Variants in OPRM1 observed in about 807,000 individuals in gnomAD.
The protein encoded by OPRM1 is opioid receptor mu 1, also known as mu-type opioid receptor.
OPRM1 carries 27 observed loss-of-function variants against 31.8 expected under a neutral mutation model. The observed-to-expected ratio is 0.85, with a 90% CI of 0.63 to 1.17. OPRM1 has a LOEUF of 1.17. Ranked by LOEUF, OPRM1 falls within the 50% of genes most tolerant of loss-of-function variation. The pLI is 0.00. For synonymous variants in OPRM1, 196 were observed against 189.9 expected, an observed-to-expected ratio of 1.03 and a Z score of -0.26; for missense variants, 536 against 511.1, an observed-to-expected ratio of 1.05 and a Z score of -0.47.
At chr6:154,167,938 T>C (rs1173340147) in intron 3 of OPRM1, 1 of 1,595,718 alleles carries the variant, frequency 6.3e-7, no homozygotes, top group Non-Finnish European at 8.6e-7. Flanking sequence ...TGCTATTCAA[T>C]GTTCGGATTT....
downstream of OPRM1, among the ~76,000 whole-genome samples, chr6:154,135,015 C>T (rs1293324223): frequency 1.3e-5 from 2 of 152,152 alleles, no homozygotes; most frequent in Non-Finnish European, 2.9e-5. Context: ...TGGTGGCCAG[C>T]CAAGACGTGG....
intron 3 of OPRM1, chr6:154,157,331 G>C (rs1798757076): frequency 1.3e-5 from 2 of 152,320 alleles, no homozygotes; most frequent in South Asian, 2.1e-4. Flanking sequence ...ATAATTTACA[G>C]GGGGAAAAAC....
chr6:154,021,083 T>G (rs368322988), intron 1 of OPRM1, among the ~76,000 whole-genome samples: 107 of 152,342 alleles, frequency 7.0e-4, no homozygotes, highest in African/African-American at 2.5e-3. Flanking sequence ...CTAGGAGTTT[T>G]ATAGTTTAGC....
intron 1 of OPRM1, among the ~76,000 whole-genome samples, chr6:154,031,554 G>A (rs1779005685): frequency 6.6e-6 from 1 of 151,938 alleles, no homozygotes; most frequent in Admixed American, 6.6e-5. Flanking sequence ...GACCAAAATG[G>A]TGAAACCCCA....
chr6:154,144,297 A>C (rs956005379), intron 3 of OPRM1, among the ~76,000 whole-genome samples: 3 of 152,246 alleles, frequency 2.0e-5, no homozygotes, highest in Non-Finnish European at 4.4e-5. Flanking sequence ...TGAAGAGAAC[A>C]CTTCCCAATT....
Position 154,087,327 on chromosome 6 carries a change from C to T in OPRM1, c.291-2499C>T, listed in dbSNP as rs1201764699. 3.0e-6 allele frequency: 3 copies of T among 985,328 alleles called. No individual in the cohort carries two copies. The highest frequency in any genetic ancestry group is 2.4e-6 in the Non-Finnish European group (2 of 829,968). 61.0% of individuals were successfully genotyped at this position (985,328 alleles called of 1,614,324 possible). A position where few individuals can be genotyped will look rare whatever the true frequency, so the allele number is the denominator to read the frequency against. Reference sequence around the variant, plus strand: ...CACTTTCCTGGACACTGAATTCAGTCCTAAACAAAGGGCCTCCAACCAACA... The same window carrying T: ...CACTTTCCTGGACACTGAATTCAGTTCTAAACAAAGGGCCTCCAACCAACA... On this transcript the variant is annotated intron_variant, in intron 1 of 3. Transcript: ENST00000330432.
chr6:154,040,617 T>TTCTCCTGAAC (rs1779863774), intron 1 of OPRM1, among the ~76,000 whole-genome samples: 2 of 152,194 alleles, frequency 1.3e-5, no homozygotes, highest in Non-Finnish European at 2.9e-5. Context: ...GACATGGCTG[T>TTCTCCTGAAC]ATTTCATTGC....
In OPRM1 at chr6:154,129,572, TG is replaced by T. The variant is rs1231399379; in HGVS notation, c.*10853del. On this transcript the variant is annotated 3_prime_UTR_variant, in exon 4 of 4. Coordinates refer to ENST00000330432, the MANE Select transcript of OPRM1 (RefSeq NM_000914.5). Reference sequence around the variant, plus strand: ...TGCCCACTGTTACAGAAAATCATAATGGAAAAACTAAAATGTCAATAATAAT... The same window carrying T: ...TGCCCACTGTTACAGAAAATCATAATGAAAAACTAAAATGTCAATAATAAT... 6.6e-6 allele frequency among the ~76,000 whole-genome samples: 1 copy of T among 152,210 alleles called. No individual in the cohort carries two copies. The highest frequency in any genetic ancestry group is 1.5e-5 in the Non-Finnish European group (1 of 68,030).
intron 3 of OPRM1, chr6:154,199,935 A>G: frequency 1.2e-6 from 2 of 1,614,236 alleles, no homozygotes; most frequent in Non-Finnish European, 1.7e-6. Flanking sequence ...TCTTTAGATA[A>G]GGAGGAAGGA....
rs967049148 is a variant in OPRM1 at position 154,086,611 on chromosome 6, AT to A, written c.291-3207del. 5.1e-6 allele frequency: 5 copies of A among 983,468 alleles called. No individual in the cohort carries two copies. In the African/African-American group the frequency reaches 7.0e-5, roughly 14 times the overall value. 60.9% of individuals were successfully genotyped at this position (983,468 alleles called of 1,614,324 possible). A position where few individuals can be genotyped will look rare whatever the true frequency, so the allele number is the denominator to read the frequency against. ...ACACCTCACTCTGGAGAAGGAAATG[AT>A]TTTTTTTAATTAAAATAAACATACA... On this transcript the variant is annotated intron_variant, in intron 1 of 3. Transcript: ENST00000330432.
At position 154,039,782 on chromosome 6, in the gene OPRM1, G is replaced by C. The variant is rs199560373; in HGVS notation, c.238G>C (p.Val80Leu). The C allele has an allele frequency of 5.6e-6, 9 of 1,601,168 alleles. No homozygotes were observed. In the African/African-American group the frequency reaches 1.2e-4, roughly 21 times the overall value. Residue 80 changes from valine (V) to leucine (L), a missense_variant, in exon 1 of 4, where the codon GTG (valine) becomes CTG (leucine). Val to Leu is a conservative substitution (Grantham distance 32). Coordinates refer to ENST00000330432, the MANE Select transcript of OPRM1 (RefSeq NM_000914.5). ...CACGATCATGGCCCTCTACTCCATCGTGTGCGTGGTGGGGCTCTTCGGAAA... is the reference window on the plus strand; with the variant it reads ...CACGATCATGGCCCTCTACTCCATCCTGTGCGTGGTGGGGCTCTTCGGAAA... ...AITIMALYSIVCVVGLFGNFL... is the reference protein window; with the variant it reads ...AITIMALYSILCVVGLFGNFL...
chr6:154,143,355 C>T (rs1182068117), intron 3 of OPRM1, among the ~76,000 whole-genome samples: 1 of 152,170 alleles, frequency 6.6e-6, no homozygotes, highest in Non-Finnish European at 1.5e-5. Flanking sequence ...TTCACCACCT[C>T]CATGAAGCCC....
At chr6:154,025,263 T>A (rs1778628951) in intron 1 of OPRM1, among the ~76,000 whole-genome samples, 1 of 152,068 alleles carries the variant, frequency 6.6e-6, no homozygotes. Context: ...CCCTTTATCA[T>A]TATATAGTAA....
intron 3 of OPRM1, among the ~76,000 whole-genome samples, chr6:154,099,052 A>C (rs141414776): frequency 6.6e-6 from 1 of 152,064 alleles, no homozygotes; most frequent in Non-Finnish European, 1.5e-5. Flanking sequence ...GGCCGAGGCC[A>C]GTGAATTGCT....
Position 154,126,673 on chromosome 6 carries a change from T to G in OPRM1, c.*7952T>G, listed in dbSNP as rs1797602292. The stretch of plus-strand genomic sequence containing the variant: ...GCCTCTTTTCATCTGCAGGGTAGAT[T>G]TGGCTTCCATGGTTGTTCACTGCTC... On this transcript the variant is annotated 3_prime_UTR_variant, in exon 4 of 4. Transcript: ENST00000330432. 6.6e-6 allele frequency among the ~76,000 whole-genome samples: 1 copy of G among 152,080 alleles called. No homozygotes were observed. Among genetic ancestry groups the G allele is most frequent in the Admixed American group, 6.6e-5 (1 of 15,258 alleles).
At chr6:154,076,813 A>G (rs2128461585) in intron 1 of OPRM1, among the ~76,000 whole-genome samples, 1 of 151,968 alleles carries the variant, frequency 6.6e-6, no homozygotes, top group Non-Finnish European at 1.5e-5. Context: ...GATCTCTCAC[A>G]TTTTCTTCTC....
At chr6:154,149,253 G>A (rs940545339) in intron 3 of OPRM1, among the ~76,000 whole-genome samples, 7 of 152,176 alleles carry the variant, frequency 4.6e-5, no homozygotes, top group African/African-American at 1.7e-4. Context: ...CATGGCAGCA[G>A]GAGAGAGAAG....
intron 1 of OPRM1, among the ~76,000 whole-genome samples, chr6:154,043,656 C>T (rs994780386): frequency 1.3e-5 from 2 of 151,884 alleles, no homozygotes; most frequent in African/African-American, 4.8e-5. Flanking sequence ...AGTTTATTTA[C>T]TCAAATATTA....
At chr6:154,080,974 T>G (rs919169504) in intron 1 of OPRM1, among the ~76,000 whole-genome samples, 2 of 152,226 alleles carry the variant, frequency 1.3e-5, no homozygotes, top group African/African-American at 4.8e-5. Context: ...TCTCCATTTG[T>G]TGTATCTTTG....
Sources: gnomAD v4.1 joint callset for allele counts (sites outside exome capture counted in the v4.1 genomes callset) on GRCh38, gnomAD v4.1.1 for gene constraint, MANE v1.5 for transcripts, NCBI Gene and HGNC (gene_info 2026-07-23, HGNC 2026-07-21) for gene names.